Variants in NHSL3 observed in about 807,000 individuals in gnomAD.
NHSL3 encodes the protein NHS like 3, also known as NHS-like protein 3.
the NHSL3 span, chr1:32,771,907 A>G: frequency 6.3e-7 from 1 of 1,592,384 alleles, no homozygotes; most frequent in Non-Finnish European, 8.6e-7. Context: ...GGCCCCCCAG[A>G]AACCACTGCG....
At chr1:32,750,921 C>T in the NHSL3 span, among the ~76,000 whole-genome samples, 1 of 152,160 alleles carries the variant, frequency 6.6e-6, no homozygotes, top group Non-Finnish European at 1.5e-5. Flanking sequence ...AAGCGAATCT[C>T]CTGCCTCAGC....
the NHSL3 span, chr1:32,770,406 A>G: frequency 6.2e-7 from 1 of 1,607,586 alleles, no homozygotes; most frequent in South Asian, 1.1e-5. The surrounding 1 kb of genome is among the most constrained non-coding windows in gnomAD (Gnocchi z 8.3). Context: ...GCCGCCACCC[A>G]TCCTCCTCCA....
the NHSL3 span, chr1:32,754,033 C>T: frequency 3.6e-6 from 2 of 558,396 alleles, no homozygotes; most frequent in African/African-American, 2.0e-5. Flanking sequence ...GCTGCGGGCC[C>T]GGCGGCCGGG....
the NHSL3 span, among the ~76,000 whole-genome samples, chr1:32,744,239 T>A: frequency 2.6e-5 from 4 of 152,276 alleles, no homozygotes; most frequent in South Asian, 4.1e-4. Context: ...AGGCAGGTCT[T>A]GATTCCTCTA....
the NHSL3 span, among the ~76,000 whole-genome samples, chr1:32,766,829 C>T: frequency 6.6e-6 from 1 of 152,202 alleles, no homozygotes; most frequent in Non-Finnish European, 1.5e-5. Context: ...GATTAGATGG[C>T]CAGCCCCTCC....
the NHSL3 span, among the ~76,000 whole-genome samples, chr1:32,744,363 G>C: frequency 6.6e-6 from 1 of 152,312 alleles, no homozygotes; most frequent in South Asian, 2.1e-4. Flanking sequence ...TAGAAGAAGA[G>C]AGGAAGTCTG....
chr1:32,754,167 G>T, the NHSL3 span: 2 of 711,262 alleles, frequency 2.8e-6, no homozygotes, highest in African/African-American at 3.5e-5. Flanking sequence ...GGCGGTCGGC[G>T]AAGCGGCCGG....
At chr1:32,771,986 T>C in the NHSL3 span, 21 of 1,605,638 alleles carry the variant, frequency 1.3e-5, no homozygotes, top group Middle Eastern at 2.0e-3. Context: ...GCGGTCCGAC[T>C]CAAGGCCTGC....
At chr1:32,765,303 G>GCTCTTTCCCCAGGGAATTA in the NHSL3 span, among the ~76,000 whole-genome samples, 20,834 of 152,034 alleles carry the variant, frequency 0.14, 1,788 homozygotes, top group South Asian at 0.23. Context: ...CAGGCTCCGA[G>GCTCTTTCCCCAGGGAATTA]CTCTTTCCCC....
At chr1:32,766,441 C>T in the NHSL3 span, among the ~76,000 whole-genome samples, 2 of 152,124 alleles carry the variant, frequency 1.3e-5, no homozygotes, top group African/African-American at 4.8e-5. Context: ...GTCAGTCTGA[C>T]TCCTACTGCT....
chr1:32,746,601 G>A, the NHSL3 span, among the ~76,000 whole-genome samples: 149,067 of 152,302 alleles, frequency 0.98, 73,032 homozygotes, highest in East Asian at 1. Flanking sequence ...TAAGTAGCCC[G>A]AGGTCACTCA....
At chr1:32,771,400 C>T in the NHSL3 span, 202 of 1,585,826 alleles carry the variant, frequency 1.3e-4, no homozygotes, top group Non-Finnish European at 4.2e-5. Context: ...TCATCCACCC[C>T]CACCACCCAC....
chr1:32,767,296 G>A, the NHSL3 span, among the ~76,000 whole-genome samples: 1 of 152,162 alleles, frequency 6.6e-6, no homozygotes, highest in Non-Finnish European at 1.5e-5. Context: ...TTTTTGTGGG[G>A]CTCTGAGTGA....
At chr1:32,761,990 A>G in the NHSL3 span, among the ~76,000 whole-genome samples, 1 of 152,172 alleles carries the variant, frequency 6.6e-6, no homozygotes, top group African/African-American at 2.4e-5. Context: ...GAGTGAGAAT[A>G]CTGCTTTGCC....
At chr1:32,754,068 C>T in the NHSL3 span, 1 of 655,266 alleles carries the variant, frequency 1.5e-6, no homozygotes, top group Admixed American at 2.4e-5. Flanking sequence ...CTTGGGTTCC[C>T]GCGCCGGCTC....
chr1:32,756,475 C>CCG, the NHSL3 span, among the ~76,000 whole-genome samples: 2 of 104,282 alleles, frequency 1.9e-5, no homozygotes, highest in African/African-American at 6.8e-5. Flanking sequence ...ACGAGACCCC[C>CCG]CCCCCCCGCC....
At chr1:32,764,402 A>G in the NHSL3 span, among the ~76,000 whole-genome samples, 1 of 152,190 alleles carries the variant, frequency 6.6e-6, no homozygotes, top group Non-Finnish European at 1.5e-5. Flanking sequence ...TCCATTAACT[A>G]TAGTCCCTAG....
the NHSL3 span, chr1:32,742,146 G>A: frequency 8.0e-7 from 1 of 1,244,056 alleles, no homozygotes; most frequent in Non-Finnish European, 1.0e-6. Context: ...CCCGGGCCAA[G>A]AAGGCGGAGG....
chr1:32,758,676 C>T, the NHSL3 span, among the ~76,000 whole-genome samples: 3 of 152,078 alleles, frequency 2.0e-5, no homozygotes, highest in South Asian at 2.1e-4. Context: ...GAAGCACTGA[C>T]CCCCCTTCCT....
Sources: allele counts gnomAD v4.1 joint callset (sites outside exome capture counted in the v4.1 genomes callset), GRCh38; gene constraint gnomAD v4.1.1; non-coding constraint Gnocchi (gnomAD v3.1); transcripts MANE v1.5; gene names NCBI Gene and HGNC (gene_info 2026-07-23, HGNC 2026-07-21).